Variants in AHCYL2 observed in about 807,000 individuals in gnomAD.
AHCYL2 encodes the protein adenosylhomocysteinase like 2.
A neutral mutation model predicts 81.4 loss-of-function variants in AHCYL2; 28 were observed. The ratio of observed to expected loss-of-function variants is 0.34; its 90% CI spans 0.25 to 0.47. The LOEUF is 0.47. Ranked by LOEUF, AHCYL2 falls within the 20% of genes least tolerant of loss-of-function variation. The probability of loss-of-function intolerance (pLI) is 1.00; values close to 1 mark genes in which losing one functional copy is unlikely to be tolerated. For missense variants in AHCYL2, 551 were observed against 785.1 expected (o/e 0.70, Z 3.56); for synonymous variants, 272 against 290.2 (o/e 0.94, Z 0.64).
chr7:129,251,738 CA>C (rs2150704020), intron 1 of AHCYL2, among the ~76,000 whole-genome samples: 1 of 152,240 alleles, frequency 6.6e-6, no homozygotes, highest in African/African-American at 2.4e-5. Context: ...CTGTTTTTCT[CA>C]AACTGCTTGA....
At chr7:129,366,624 A>G (rs951783713) in intron 1 of AHCYL2, among the ~76,000 whole-genome samples, 2 of 152,118 alleles carry the variant, frequency 1.3e-5, no homozygotes, top group Admixed American at 1.3e-4. Flanking sequence ...TAAAAATACA[A>G]AGTTAGCCGG....
In AHCYL2 at chr7:129,397,261, C is replaced by T. The variant is rs1795788943; in HGVS notation, c.760C>T (p.Arg254Ter). The change falls in exon 5 of 17, where the codon CGA becomes TGA. Residue 254 changes from arginine to a stop codon, truncating the protein, a stop_gained. Transcript: ENST00000325006. LOFTEE classifies it high-confidence loss of function. ...ETLGALGAQC[R>*]WAACNIYSTL... ...TCTGGGTGCTCTGGGGGCCCAGTGC[C>T]GATGGGCTGCCTGCAACATCTATTC... 1.2e-6 allele frequency: 2 copies of T among 1,614,132 alleles called. No individual in the cohort carries two copies. Among genetic ancestry groups the T allele is most frequent in the East Asian group, 4.5e-5 (2 of 44,874 alleles).
intron 1 of AHCYL2, among the ~76,000 whole-genome samples, chr7:129,378,320 A>AT (rs1012532795): frequency 1.3e-5 from 2 of 151,466 alleles, no homozygotes; most frequent in Non-Finnish European, 2.9e-5. Context: ...AAAAAAAAAA[A>AT]AATAAATTTA....
intron 1 of AHCYL2, among the ~76,000 whole-genome samples, chr7:129,225,880 C>T (rs1000699329): frequency 6.6e-6 from 1 of 152,198 alleles, no homozygotes; most frequent in Non-Finnish European, 1.5e-5. Flanking sequence ...GGTGTAGTCA[C>T]CTTGCATAGA....
At chr7:129,416,127 G>T (rs1796836545) in intron 12 of AHCYL2, among the ~76,000 whole-genome samples, 1 of 151,936 alleles carries the variant, frequency 6.6e-6, no homozygotes, top group Non-Finnish European at 1.5e-5. Context: ...CCTGTGTGTT[G>T]TATTTATTAT....
At chr7:129,268,830 T>A (rs1159740965) in intron 1 of AHCYL2, among the ~76,000 whole-genome samples, 1 of 152,248 alleles carries the variant, frequency 6.6e-6, no homozygotes, top group Non-Finnish European at 1.5e-5. Context: ...TATTGAGATA[T>A]AATTTCATAC....
chr7:129,242,572 C>T (rs545500727), intron 1 of AHCYL2, among the ~76,000 whole-genome samples: 2 of 152,084 alleles, frequency 1.3e-5, no homozygotes, highest in African/African-American at 4.8e-5. Context: ...AAAAAATTAG[C>T]GGGGTGTGGT....
intron 1 of AHCYL2, among the ~76,000 whole-genome samples, chr7:129,366,952 G>C (rs905156352): frequency 6.6e-6 from 1 of 152,130 alleles, no homozygotes; most frequent in African/African-American, 2.4e-5. Context: ...GATGAACACT[G>C]GTTCAGTTTG....
At chr7:129,340,182 A>C in intron 1 of AHCYL2, among the ~76,000 whole-genome samples, 1 of 131,372 alleles carries the variant, frequency 7.6e-6, no homozygotes, top group Non-Finnish European at 1.6e-5. Flanking sequence ...TTGGCCTCCC[A>C]AACTGCTGGG....
At chr7:129,257,681 CATTTCAGTGT>C (rs1313565447) in intron 1 of AHCYL2, among the ~76,000 whole-genome samples, 1 of 152,146 alleles carries the variant, frequency 6.6e-6, no homozygotes, top group Non-Finnish European at 1.5e-5. Context: ...AGGGGTCATT[CATTTCAGTGT>C]ATTTGTTCTT....
intron 1 of AHCYL2, among the ~76,000 whole-genome samples, chr7:129,261,268 A>T (rs1251269068): frequency 6.6e-6 from 1 of 152,218 alleles, no homozygotes; most frequent in Non-Finnish European, 1.5e-5. Context: ...CTTTATAGAT[A>T]GGTTTAGATC....
At chr7:129,305,949 A>T (rs1423546445) in intron 1 of AHCYL2, among the ~76,000 whole-genome samples, 1 of 152,184 alleles carries the variant, frequency 6.6e-6, no homozygotes, top group African/African-American at 2.4e-5. Context: ...TTCCACTGAG[A>T]GGTCTGCTGG....
chr7:129,324,826 T>C (rs1195869580), intron 1 of AHCYL2, among the ~76,000 whole-genome samples: 3 of 152,224 alleles, frequency 2.0e-5, no homozygotes, highest in Non-Finnish European at 4.4e-5. Context: ...GGCTTATTAC[T>C]TCTAACTCTG....
At chr7:129,299,541 C>T (rs1040219322) in intron 1 of AHCYL2, among the ~76,000 whole-genome samples, 1 of 151,676 alleles carries the variant, frequency 6.6e-6, no homozygotes, top group Admixed American at 6.6e-5. Flanking sequence ...CTACAGGCAC[C>T]CGCCACCACG....
chr7:129,225,450 C>T lies in AHCYL2; in HGVS notation c.363+11C>T. ...CGCACAGTCAAGAAGGTACTGGGGC[C>T]GGGCTGCCTCTCTAGGAGAGGAAGG... On this transcript the variant is annotated intron_variant, in intron 1 of 16. Transcript: ENST00000325006. 2.0e-6 allele frequency: 3 copies of T among 1,500,972 alleles called. No individual in the cohort carries two copies. The highest frequency in any genetic ancestry group is 2.7e-6 in the Non-Finnish European group (3 of 1,131,070). 93.0% of individuals were successfully genotyped at this position (1,500,972 alleles called of 1,614,324 possible).
chr7:129,335,129 C>T (rs1798553014), intron 1 of AHCYL2, among the ~76,000 whole-genome samples: 1 of 152,138 alleles, frequency 6.6e-6, no homozygotes, highest in South Asian at 2.1e-4. Context: ...TGCCTGTAAT[C>T]CCAGCACTTT....
Position 129,229,966 on chromosome 7 carries a change from A to G in AHCYL2, c.363+4527A>G, listed in dbSNP as rs1286024011. Among the ~76,000 whole-genome samples the G allele has an allele frequency of 2.0e-5, 3 of 152,054 alleles. No individual in the cohort carries two copies. The East Asian group carries it at 5.8e-4, about 29-fold the overall frequency. ...TTTTCCCTATTCTTTAAGCCTCACC[A>G]TCTCTATGAGTCAATCTTTGATAAG... is the stretch of plus-strand genomic sequence containing the variant. On this transcript the variant is annotated intron_variant, in intron 1 of 16. Transcript: ENST00000325006.
intron 10 of AHCYL2, among the ~76,000 whole-genome samples, chr7:129,409,143 G>T (rs973237701): frequency 6.6e-6 from 1 of 151,888 alleles, no homozygotes; most frequent in Non-Finnish European, 1.5e-5. Context: ...TTTGGCCTTC[G>T]GGGGATCACT....
intron 1 of AHCYL2, among the ~76,000 whole-genome samples, chr7:129,370,303 A>T (rs112850571): frequency 1.0e-3 from 158 of 152,332 alleles, no homozygotes; most frequent in Middle Eastern, 3.4e-3. Flanking sequence ...TGACCACTGC[A>T]TAAGGGATAT....
Sources: allele counts gnomAD v4.1 joint callset (sites outside exome capture counted in the v4.1 genomes callset), GRCh38; gene constraint gnomAD v4.1.1; transcripts MANE v1.5; gene names NCBI Gene and HGNC (gene_info 2026-07-23, HGNC 2026-07-21).